The following PIKFYVE variants were observed in gnomAD, a reference collection of about 807,000 sequenced individuals.
PIKFYVE encodes the protein 1-phosphatidylinositol 3-phosphate 5-kinase.
Under a neutral mutation model 257.9 loss-of-function variants are expected in PIKFYVE, and 122 were observed. That is an observed-to-expected ratio of 0.47 (90% CI 0.41 to 0.55). The LOEUF (loss-of-function observed/expected upper bound fraction) is 0.55, where lower values mean the gene tolerates loss of function less well. Ranked by LOEUF, PIKFYVE falls within the 20% of genes least tolerant of loss-of-function variation. The pLI is 0.00. For synonymous variants in PIKFYVE, 892 were observed against 868.9 expected (o/e 1.03, Z -0.47); for missense variants, 2,160 against 2,536.6 (o/e 0.85, Z 3.19).
chr2:208,285,863 C>A lies in PIKFYVE; in HGVS notation c.751C>A (p.Pro251Thr). 1 of 1,614,070 alleles carries A rather than the reference C, an allele frequency of 6.2e-7. No homozygotes were observed. The highest frequency in any genetic ancestry group is 1.1e-5 in the South Asian group (1 of 91,088). ...TGTGTCTGTGCTTGATCCAAGTGAACCCCGAACACCTGTTGGGAGTAGGAA... is the reference window on the plus strand; with the variant it reads ...TGTGTCTGTGCTTGATCCAAGTGAAACCCGAACACCTGTTGGGAGTAGGAA... ...CSVSVLDPSE[P>T]RTPVGSRKAS... is the part of the protein sequence containing the mutation. Residue 251 changes from proline to threonine, a missense_variant, in exon 6 of 42, where the codon CCC becomes ACC. Transcript: ENST00000264380.
At chr2:208,304,435 T>G in intron 11 of PIKFYVE, 117 bp downstream of exon 11, 1 of 1,313,224 alleles carries the variant, frequency 7.6e-7, no homozygotes. Flanking sequence ...TCCAACTAAA[T>G]GGAAACATCT....
chr2:208,285,593 G>A, intron 5 of PIKFYVE, 133 bp from the exon 6 acceptor site: 1 of 747,460 alleles, frequency 1.3e-6, no homozygotes, highest in Non-Finnish European at 2.3e-6. Context: ...TTTTTTGAGA[G>A]TCTGTACTTG....
intron 7 of PIKFYVE, among the ~76,000 whole-genome samples, chr2:208,296,725 A>G (rs1222012456): frequency 6.6e-6 from 1 of 152,196 alleles, no homozygotes; most frequent in Admixed American, 6.5e-5. Context: ...GTGAGGGGAC[A>G]GGGAAACCAG....
At chr2:208,305,217 T>G in intron 12 of PIKFYVE, 1 of 1,464,272 alleles carries the variant, frequency 6.8e-7, no homozygotes, top group Non-Finnish European at 9.1e-7. Context: ...GTTTTCTCCC[T>G]CAGCACCACC....
At position 208,326,256 on chromosome 2, in the gene PIKFYVE, G is replaced by T; in HGVS notation, c.3445G>T (p.Gly1149Cys). ...AEHLGDSQSL[G>C]RMLADYRARG... Reference sequence around the variant, plus strand: ...GCATCTGGGCGATAGCCAGAGCTTGGGTAGAATGCTGGCCGATTATCGAGC... The same window carrying T: ...GCATCTGGGCGATAGCCAGAGCTTGTGTAGAATGCTGGCCGATTATCGAGC... Residue 1149 changes from glycine (G) to cysteine (C), a missense_variant, in exon 20 of 42, where the codon GGT becomes TGT. Transcript: ENST00000264380. 4 of 1,592,010 alleles carry T rather than the reference G, an allele frequency of 2.5e-6. No homozygotes were observed. Among genetic ancestry groups the T allele is most frequent in the Non-Finnish European group, 3.4e-6 (4 of 1,169,326 alleles).
intron 15 of PIKFYVE, among the ~76,000 whole-genome samples, chr2:208,316,275 T>C (rs1182431109): frequency 3.3e-5 from 5 of 152,186 alleles, no homozygotes; most frequent in African/African-American, 4.8e-5. Flanking sequence ...CAGTCTATCA[T>C]TATTGGACAT....
Position 208,333,417 on chromosome 2 carries a change from G to A in PIKFYVE, c.4066G>A (p.Ala1356Thr), listed in dbSNP as rs1386334410. 5.0e-6 allele frequency: 8 copies of A among 1,613,850 alleles called. No individual in the cohort carries two copies. Among genetic ancestry groups the A allele is most frequent in the Non-Finnish European group, 6.8e-6 (8 of 1,179,978 alleles). The part of the protein sequence containing the change: ...YGHQYTRRAN[A>T]EPCGHSIHHD... ...GCACCAGTATACTCGCAGAGCCAAC[G>A]CTGAGCCCTGTGGTCACTCCATCCA... The change falls in exon 24 of 42, where the codon GCT (alanine) becomes ACT (threonine). Residue 1356 changes from alanine (A) to threonine (T), a missense_variant. This residue lies in a region of PIKFYVE where 699 missense variants were observed against 855.8 expected (regional missense o/e 0.82). Coordinates refer to ENST00000264380, the MANE Select transcript of PIKFYVE (RefSeq NM_015040.4).
At chr2:208,313,685 T>G (rs1559105587) in intron 13 of PIKFYVE, among the ~76,000 whole-genome samples, 1 of 151,418 alleles carries the variant, frequency 6.6e-6, no homozygotes, top group Non-Finnish European at 1.5e-5. Flanking sequence ...TAGGTTCAAG[T>G]GATTCTCCTG....
Position 208,346,073 on chromosome 2 carries a change from G to A in PIKFYVE, c.5135G>A (p.Ser1712Asn). 1 of 1,613,070 alleles carries A rather than the reference G, an allele frequency of 6.2e-7. No individual in the cohort carries two copies. Among genetic ancestry groups the A allele is most frequent in the South Asian group, 1.1e-5 (1 of 91,014 alleles). Reference protein sequence around the residue: ...TNSTSDSRPKSSSPIRLPEMS... With the variant: ...TNSTSDSRPKNSSPIRLPEMS... ...AGTACTTCAGATAGCAGACCAAAGAGTAGCAGCCCTATCAGATTACCTGAA... is the reference window on the plus strand; with the variant it reads ...AGTACTTCAGATAGCAGACCAAAGAATAGCAGCCCTATCAGATTACCTGAA... Residue 1712 changes from serine to asparagine, a missense_variant, in exon 34 of 42, where the codon AGT (serine) becomes AAT (asparagine). Ser to Asn is a conservative substitution (Grantham distance 46). This residue lies in a region of PIKFYVE where 699 missense variants were observed against 855.8 expected (regional missense o/e 0.82). Transcript: ENST00000264380.
Position 208,315,347 on chromosome 2 carries a change from A to G in PIKFYVE, c.1981A>G (p.Ile661Val). The G allele has an allele frequency of 1.2e-6, 2 of 1,614,146 alleles. No individual in the cohort carries two copies. Among genetic ancestry groups the G allele is most frequent in the African/African-American group, 1.3e-5 (1 of 75,056 alleles). Residue 661 changes from isoleucine to valine, a missense_variant, in exon 15 of 42, where the codon ATC (isoleucine) becomes GTC (valine). By Grantham distance (29) the Ile-to-Val change is conservative. Around this residue, in one of 12 missense-constraint regions of PIKFYVE, gnomAD observed 346 missense variants for 365.6 expected, o/e 0.95. Coordinates refer to ENST00000264380, the MANE Select transcript of PIKFYVE (RefSeq NM_015040.4). ...DVKNQDDDMD[I>V]RQFVHIKKIP... ...CAAGAACCAGGATGATGACATGGATATCCGTCAGTTTGTCCACATCAAAAA... is the reference window on the plus strand; with the variant it reads ...CAAGAACCAGGATGATGACATGGATGTCCGTCAGTTTGTCCACATCAAAAA...
chr2:208,285,262 ATTTTTGTAT>A, intron 5 of PIKFYVE, among the ~76,000 whole-genome samples: 1 of 151,888 alleles, frequency 6.6e-6, no homozygotes, highest in Non-Finnish European at 1.5e-5. Context: ...TGCCCGGCTA[ATTTTTGTAT>A]TTTTAGTAGA....
intron 20 of PIKFYVE, among the ~76,000 whole-genome samples, chr2:208,326,951 A>G (rs1696995754): frequency 6.6e-6 from 1 of 152,228 alleles, no homozygotes; most frequent in South Asian, 2.1e-4. Context: ...AGGAAGGTTT[A>G]TAGATCCATT....
At chr2:208,275,673 C>A (rs986867930) in intron 3 of PIKFYVE, among the ~76,000 whole-genome samples, 1 of 152,142 alleles carries the variant, frequency 6.6e-6, no homozygotes, top group Non-Finnish European at 1.5e-5. Context: ...AGATCCCAAC[C>A]TCTCATTTCT....
Position 208,326,353 on chromosome 2 carries a change from GT to G in PIKFYVE, c.3543del (p.Ser1181ArgfsTer18), listed in dbSNP as rs753673296. The G allele has an allele frequency of 2.5e-6, 4 of 1,613,860 alleles. No individual in the cohort carries two copies. On this transcript the variant is annotated frameshift_variant, in exon 20 of 42. Coordinates refer to ENST00000264380, the MANE Select transcript of PIKFYVE (RefSeq NM_015040.4). LOFTEE classifies it high-confidence loss of function. ...AHSKDASSTS[S>X]GQSGSKNEGD... ...TCAAAGGATGCATCAAGTACTTCAA[GT>G]GGCCAATCAGGAAGCAAAAATGAGG...
intron 34 of PIKFYVE, among the ~76,000 whole-genome samples, chr2:208,346,695 A>G (rs1256673231): frequency 2.0e-5 from 3 of 152,228 alleles, no homozygotes; most frequent in Non-Finnish European, 2.9e-5. Context: ...TACAAGTAAC[A>G]CAAAATTCAA....
Position 208,325,537 on chromosome 2 carries a change from G to T in PIKFYVE, c.2726G>T (p.Gly909Val), listed in dbSNP as rs1406554939. 6.2e-7 allele frequency: 1 copy of T among 1,614,010 alleles called. No individual in the cohort carries two copies. Among genetic ancestry groups the T allele is most frequent in the Non-Finnish European group, 8.5e-7 (1 of 1,179,994 alleles). ...EGAVQEQYGG[G>V]SIPWDPDIPP... The stretch of plus-strand genomic sequence containing the variant: ...GCTGTCCAAGAGCAGTACGGTGGAG[G>T]TTCCATCCCCTGGGATCCTGACATC... Residue 909 changes from glycine (G) to valine (V), a missense_variant, in exon 20 of 42, where the codon GGT (glycine) becomes GTT (valine). Physicochemically the swap from Gly to Val is moderately radical, Grantham distance 109 (BLOSUM62 -3). Transcript: ENST00000264380.
chr2:208,336,505 A>G (rs980722610), intron 27 of PIKFYVE, among the ~76,000 whole-genome samples: 4 of 152,180 alleles, frequency 2.6e-5, no homozygotes, highest in Admixed American at 2.0e-4. Context: ...TTAGTATGCC[A>G]TAAGTCACTA....
Position 208,336,042 on chromosome 2 carries a change from G to C in PIKFYVE, c.4366-4G>C, listed in dbSNP as rs933185551. ...TCTCCTGAAGTTGTTTCTGTTCCTT[G>C]TAGATGGAAGAAGGTGAGTTCAAGA... On this transcript the variant is annotated splice_region_variant and splice_polypyrimidine_tract_variant and intron_variant, in intron 26 of 41. Transcript: ENST00000264380. 9 of 1,613,996 alleles carry C rather than the reference G, an allele frequency of 5.6e-6. No homozygotes were observed. Among genetic ancestry groups the C allele is most frequent in the Non-Finnish European group, 7.6e-6 (9 of 1,179,958 alleles).
chr2:208,266,864 T>C (rs991805910), intron 1 of PIKFYVE, among the ~76,000 whole-genome samples: 17 of 152,234 alleles, frequency 1.1e-4, no homozygotes, highest in African/African-American at 3.4e-4. Context: ...TGTTTGTCTT[T>C]TTAAATGCTT....
Sources: allele counts gnomAD v4.1 joint callset (sites outside exome capture counted in the v4.1 genomes callset), GRCh38; gene constraint gnomAD v4.1.1; regional missense constraint gnomAD v4.1.1; transcripts MANE v1.5; gene names NCBI Gene and HGNC (gene_info 2026-07-23, HGNC 2026-07-21).